The following PGPEP1 variants were observed in gnomAD, a reference collection of about 807,000 sequenced individuals.
PGPEP1 encodes the protein pyroglutamyl-peptidase I, also known as pyroglutamyl-peptidase 1.
In PGPEP1, 15 loss-of-function variants were observed where a neutral mutation model predicts 24.1. The ratio of observed to expected loss-of-function variants is 0.62; its 90% CI spans 0.42 to 0.96. The LOEUF (loss-of-function observed/expected upper bound fraction) is 0.96, where lower values mean the gene tolerates loss of function less well. Ranked by LOEUF, PGPEP1 falls within the 40% of genes least tolerant of loss-of-function variation. The pLI is 0.00. For missense variants in PGPEP1, 242 were observed against 273.4 expected (o/e 0.89, Z 0.81); for synonymous variants, 122 against 116.4 (o/e 1.05, Z -0.31).
intron 2 of PGPEP1, 110 bp downstream of exon 2, chr19:18,343,021 A>G: frequency 1.4e-6 from 1 of 730,458 alleles, no homozygotes; most frequent in Non-Finnish European, 2.4e-6. Flanking sequence ...TTTTTTTGAG[A>G]CGAAATCTTA....
At chr19:18,345,513 A>C (rs1325367818) in intron 2 of PGPEP1, among the ~76,000 whole-genome samples, 9 of 150,716 alleles carry the variant, frequency 6.0e-5, no homozygotes, top group Non-Finnish European at 1.3e-4. Flanking sequence ...GGCTGAGGCA[A>C]GGAGTTCGAG....
At chr19:18,363,033 T>TTTTGTGTGTGTGTGTGTG (rs375117395) in intron 4 of PGPEP1, among the ~76,000 whole-genome samples, 3 of 136,686 alleles carry the variant, frequency 2.2e-5, no homozygotes, top group African/African-American at 8.3e-5. Flanking sequence ...TTTTTTTTGT[T>TTTTGTGTGTGTGTGTGTG]TGTGTGTGTG....
intron 2 of PGPEP1, among the ~76,000 whole-genome samples, chr19:18,354,969 T>TC (rs1474709368): frequency 7.0e-6 from 1 of 141,848 alleles, no homozygotes; most frequent in Non-Finnish European, 1.5e-5. Flanking sequence ...TACTTTTTTT[T>TC]TTTTTTTTTT....
At chr19:18,358,154 C>T (rs56264317) in intron 4 of PGPEP1, 36 of 165,856 alleles carry the variant, frequency 2.2e-4, no homozygotes, top group Non-Finnish European at 3.8e-4. Flanking sequence ...AGTCCCCGCC[C>T]CTATCCTCAC....
intron 2 of PGPEP1, among the ~76,000 whole-genome samples, chr19:18,344,602 T>TC (rs3078441): frequency 6.9e-6 from 1 of 144,328 alleles, no homozygotes; most frequent in African/African-American, 2.5e-5. Context: ...TTTTTTTTTT[T>TC]CTTTCCTGCC....
intron 2 of PGPEP1, among the ~76,000 whole-genome samples, chr19:18,343,446 C>T (rs1481095096): frequency 1.3e-5 from 2 of 152,088 alleles, no homozygotes; most frequent in East Asian, 3.9e-4. Flanking sequence ...GCCCACTTAA[C>T]AGAATAGGAA....
intron 4 of PGPEP1, among the ~76,000 whole-genome samples, chr19:18,360,467 C>A (rs976433426): frequency 6.6e-6 from 1 of 151,862 alleles, no homozygotes; most frequent in African/African-American, 2.4e-5. Context: ...GGTGATCCTC[C>A]CACCTCAGCC....
chr19:18,363,068 T>TGTGTGTGTGTG (rs60619670), intron 4 of PGPEP1, among the ~76,000 whole-genome samples: 31 of 146,674 alleles, frequency 2.1e-4, no homozygotes, highest in African/African-American at 2.8e-4. Context: ...TGTGTGTGTG[T>TGTGTGTGTGTG]TTTAAAGAGA....
chr19:18,349,538 C>T (rs1424227852), intron 2 of PGPEP1, among the ~76,000 whole-genome samples: 2 of 152,138 alleles, frequency 1.3e-5, no homozygotes, highest in African/African-American at 4.8e-5. Context: ...TCACCTTGTG[C>T]CCATTAGGGA....
intron 4 of PGPEP1, among the ~76,000 whole-genome samples, chr19:18,360,161 G>A (rs1176260352): frequency 1.3e-5 from 2 of 151,684 alleles, no homozygotes; most frequent in African/African-American, 2.4e-5. Flanking sequence ...ACACCACCAC[G>A]TCCAGCTAAT....
intron 4 of PGPEP1, among the ~76,000 whole-genome samples, chr19:18,362,373 C>T (rs532353010): frequency 6.6e-6 from 1 of 151,504 alleles, no homozygotes; most frequent in Admixed American, 6.6e-5. Context: ...CAACACTCCA[C>T]TCCAACCTGG....
Position 18,357,558 on chromosome 19 carries a change from A to G in PGPEP1, c.380A>G (p.Lys127Arg). 6.2e-7 allele frequency: 1 copy of G among 1,613,174 alleles called. No individual in the cohort carries two copies. The highest frequency in any genetic ancestry group is 8.5e-7 in the Non-Finnish European group (1 of 1,179,592). The change falls in exon 4 of 5, where the codon AAG becomes AGG. Residue 127 changes from lysine (K) to arginine (R), a missense_variant. By Grantham distance (26) the Lys-to-Arg change is conservative. Transcript: ENST00000269919. Reference protein sequence around the residue: ...DSIIDMDAVCKRVTTLGLDVS... With the variant: ...DSIIDMDAVCRRVTTLGLDVS... ...ATCATCGACATGGATGCTGTGTGCA[A>G]GCGAGTCACCACGTTGGGCCTGGAT...
rs150466051 is a variant in PGPEP1, at chr19:18,351,143, T to C, written c.88-4752T>C. Among the ~76,000 whole-genome samples the C allele has an allele frequency of 6.8e-3, 1,032 of 151,910 alleles. 5 individuals carry two copies. The highest frequency in any genetic ancestry group is 0.027 in the Middle Eastern group (8 of 294). On this transcript the variant is annotated intron_variant, in intron 2 of 4. Coordinates refer to ENST00000269919, the MANE Select transcript of PGPEP1 (RefSeq NM_017712.4). Reference sequence around the variant, plus strand: ...AAAAATAAGCGGGGCATGGTGCCTGTAATCCCAGCTACTCGGGAGGCTGAG... The same window carrying C: ...AAAAATAAGCGGGGCATGGTGCCTGCAATCCCAGCTACTCGGGAGGCTGAG...
At chr19:18,357,637 G>A in intron 4 of PGPEP1, 22 bp downstream of exon 4, 3 of 1,533,882 alleles carry the variant, frequency 2.0e-6, no homozygotes, top group South Asian at 2.3e-5. Context: ...TGGGGTGGGA[G>A]TGAGTGGGGA....
intron 4 of PGPEP1, among the ~76,000 whole-genome samples, chr19:18,359,080 G>T (rs138952190): frequency 1.6e-4 from 24 of 152,114 alleles, no homozygotes; most frequent in African/African-American, 5.5e-4. Context: ...TTGAGCCCAG[G>T]AGTTCAAGAC....
intron 2 of PGPEP1, among the ~76,000 whole-genome samples, chr19:18,344,637 C>T (rs981869885): frequency 6.7e-6 from 1 of 148,798 alleles, no homozygotes; most frequent in Non-Finnish European, 1.5e-5. Flanking sequence ...GATGGAGGGA[C>T]GGGGTCCCGG....
At chr19:18,355,205 G>A (rs952098025) in intron 2 of PGPEP1, among the ~76,000 whole-genome samples, 3 of 151,326 alleles carry the variant, frequency 2.0e-5, no homozygotes, top group African/African-American at 7.3e-5. Context: ...TCCTGACCTC[G>A]TGATCCGCCT....
rs867271277 is a variant in PGPEP1, at chr19:18,340,628, A to T, written c.-54A>T. On this transcript the variant is annotated 5_prime_UTR_variant, in exon 1 of 5. Transcript: ENST00000269919. ...GCGGCCGAGAGGCTGCAGCGGCAGC[A>T]GCTGTCGCGCCAGTCGCAACAGAAG... 4.7e-6 allele frequency: 7 copies of T among 1,479,882 alleles called. No individual in the cohort carries two copies. The Middle Eastern group carries it at 1.5e-3, about 314-fold the overall frequency. 91.7% of individuals were successfully genotyped at this position (1,479,882 alleles called of 1,614,324 possible).
chr19:18,358,462 G>A (rs959716672), intron 4 of PGPEP1, among the ~76,000 whole-genome samples: 2 of 151,770 alleles, frequency 1.3e-5, no homozygotes, highest in African/African-American at 4.8e-5. Context: ...GTTTCTCCAC[G>A]TTGGTCAGGC....
Sources: gnomAD v4.1 joint callset for allele counts (sites outside exome capture counted in the v4.1 genomes callset) on GRCh38, gnomAD v4.1.1 for gene constraint, MANE v1.5 for transcripts, NCBI Gene and HGNC (gene_info 2026-07-23, HGNC 2026-07-21) for gene names.